GNA13: variants seen among roughly 807,000 people sequenced by gnomAD.
GNA13 encodes the protein guanine nucleotide-binding protein subunit alpha-13.
A neutral mutation model predicts 33.5 loss-of-function variants in GNA13; 4 were observed. The ratio of observed to expected loss-of-function variants is 0.12; its 90% CI spans 0.06 to 0.27. The LOEUF (loss-of-function observed/expected upper bound fraction) is 0.27. Ranked by LOEUF, GNA13 falls within the 10% of genes least tolerant of loss-of-function variation. The pLI is 1.00. For synonymous variants in GNA13, 176 were observed against 183.8 expected (o/e 0.96, Z 0.34); for missense variants, 319 against 487.2 (o/e 0.65, Z 3.25).
chr17:65,048,427 T>C (rs1475473203), intron 2 of GNA13, among the ~76,000 whole-genome samples: 1 of 152,226 alleles, frequency 6.6e-6, no homozygotes, highest in Admixed American at 6.5e-5. Flanking sequence ...CTATGTTGAA[T>C]GTACAGCCAG....
At chr17:65,044,067 A>G (rs1029365012) in intron 2 of GNA13, among the ~76,000 whole-genome samples, 4 of 152,244 alleles carry the variant, frequency 2.6e-5, no homozygotes, top group Non-Finnish European at 5.9e-5. Context: ...GGCTACATAC[A>G]GTAAGCCATG....
intron 2 of GNA13, among the ~76,000 whole-genome samples, chr17:65,039,904 C>T (rs1181679379): frequency 6.6e-6 from 1 of 152,184 alleles, no homozygotes; most frequent in African/African-American, 2.4e-5. Context: ...TGTTACCAGA[C>T]CTGTTTCAGA....
intron 2 of GNA13, among the ~76,000 whole-genome samples, chr17:65,048,068 T>C (rs1344038054): frequency 6.6e-6 from 1 of 152,166 alleles, no homozygotes; most frequent in Non-Finnish European, 1.5e-5. Flanking sequence ...GTTTCAGGAA[T>C]TGCAAAGACA....
chr17:65,048,696 T>C (rs1429239319), intron 2 of GNA13, among the ~76,000 whole-genome samples: 6 of 151,992 alleles, frequency 3.9e-5, no homozygotes, highest in African/African-American at 2.4e-5. Flanking sequence ...AACAAATGAG[T>C]AGTCTGCTAA....
At chr17:65,019,253 C>A (rs1406660660) in intron 2 of GNA13, among the ~76,000 whole-genome samples, 1 of 152,102 alleles carries the variant, frequency 6.6e-6, no homozygotes, top group East Asian at 1.9e-4. Context: ...TTGAAAGTAG[C>A]AGTTCTATAA....
intron 2 of GNA13, among the ~76,000 whole-genome samples, chr17:65,032,316 C>T (rs559270532): frequency 2.6e-5 from 4 of 152,116 alleles, no homozygotes; most frequent in Admixed American, 2.6e-4. Context: ...CTTTCTCTCT[C>T]GTCTCTCCAC....
chr17:65,035,580 A>T (rs114552541), intron 2 of GNA13, among the ~76,000 whole-genome samples: 1 of 152,224 alleles, frequency 6.6e-6, no homozygotes, highest in African/African-American at 2.4e-5. Flanking sequence ...AAGGTTCTGG[A>T]GCCTGTAAGT....
chr17:65,053,378 TTCC>T, intron 2 of GNA13, 121 bp downstream of exon 2: 1 of 665,916 alleles, frequency 1.5e-6, no homozygotes, highest in Non-Finnish European at 2.7e-6. Flanking sequence ...TTTCAGTCTG[TTCC>T]TCCATCTCAA....
intron 2 of GNA13, among the ~76,000 whole-genome samples, chr17:65,045,498 ACT>A: frequency 9.7e-6 from 1 of 103,350 alleles, no homozygotes; most frequent in Admixed American, 1.5e-4. Context: ...ACAGATCAAG[ACT>A]CTGTCTCAAA....
intron 3 of GNA13, among the ~76,000 whole-genome samples, chr17:65,015,328 T>C (rs529389574): frequency 6.6e-6 from 1 of 152,076 alleles, no homozygotes; most frequent in African/African-American, 2.4e-5. Context: ...TCTTCCTGTC[T>C]GCGTATCTAC....
At chr17:65,049,821 C>T (rs1907798586) in intron 2 of GNA13, among the ~76,000 whole-genome samples, 2 of 152,190 alleles carry the variant, frequency 1.3e-5, no homozygotes, top group Non-Finnish European at 2.9e-5. Flanking sequence ...TGAGCATCTG[C>T]TTGTTTGTTT....
intron 1 of GNA13, among the ~76,000 whole-genome samples, chr17:65,054,110 A>C (rs904906167): frequency 2.0e-5 from 3 of 152,242 alleles, no homozygotes; most frequent in South Asian, 2.1e-4. Flanking sequence ...GACACAACCA[A>C]GGTTTTATGA....
At chr17:65,016,506 G>T (rs1353823209) in intron 3 of GNA13, among the ~76,000 whole-genome samples, 1 of 152,174 alleles carries the variant, frequency 6.6e-6, no homozygotes, top group African/African-American at 2.4e-5. Context: ...GATTACAGGT[G>T]TGCACCACCA....
intron 3 of GNA13, 23 bp downstream of exon 3, chr17:65,018,230 A>G: frequency 1.5e-6 from 2 of 1,357,892 alleles, no homozygotes; most frequent in Non-Finnish European, 1.1e-6. Flanking sequence ...CACTAAACAT[A>G]AACATTTGGT....
chr17:65,011,618 T>C lies in GNA13; in HGVS notation c.*2639A>G, dbSNP rs1906192765. The C allele has an allele frequency of 4.5e-6, 1 of 220,344 alleles. No homozygotes were observed. Among genetic ancestry groups the C allele is most frequent in the Non-Finnish European group, 9.1e-6 (1 of 109,716 alleles). 13.6% of individuals were successfully genotyped at this position (220,344 alleles called of 1,614,324 possible). A position where few individuals can be genotyped will look rare whatever the true frequency, so the allele number is the denominator to read the frequency against. On this transcript the variant is annotated 3_prime_UTR_variant, in exon 4 of 4. Coordinates refer to ENST00000439174, the MANE Select transcript of GNA13 (RefSeq NM_006572.6). ...TTCAAGGTCAATGAAGACACTTGTG[T>C]GATATTTCCTCAGAATTAAATGAGA...
In GNA13 at chr17:65,056,639, C is replaced by T. The variant is rs1427710873; in HGVS notation, c.-46G>A. ...CTCGGCGGGCCCCTCCGGCTCCCTC[C>T]ACCTCCTCCTCCGGCGGCGGGCGGC... is the stretch of plus-strand genomic sequence containing the variant. On this transcript the variant is annotated 5_prime_UTR_variant, in exon 1 of 4. Coordinates refer to ENST00000439174, the MANE Select transcript of GNA13 (RefSeq NM_006572.6). The T allele has an allele frequency of 1.3e-6, 2 of 1,519,774 alleles. No individual in the cohort carries two copies. Among genetic ancestry groups the T allele is most frequent in the Non-Finnish European group, 1.8e-6 (2 of 1,130,048 alleles). 94.1% of individuals were successfully genotyped at this position (1,519,774 alleles called of 1,614,324 possible).
At chr17:65,019,145 A>G (rs1052397243) in intron 2 of GNA13, among the ~76,000 whole-genome samples, 1 of 151,616 alleles carries the variant, frequency 6.6e-6, no homozygotes, top group African/African-American at 2.4e-5. Context: ...TCATGTGAAG[A>G]TCTCCTCACA....
chr17:65,028,221 G>A (rs923840543), intron 2 of GNA13, among the ~76,000 whole-genome samples: 13 of 151,878 alleles, frequency 8.6e-5, no homozygotes, highest in Non-Finnish European at 1.2e-4. Context: ...GCGAGACTCC[G>A]TCTCAAAAAA....
At chr17:65,041,664 G>C (rs902129583) in intron 2 of GNA13, among the ~76,000 whole-genome samples, 12 of 152,090 alleles carry the variant, frequency 7.9e-5, no homozygotes, top group African/African-American at 2.7e-4. Flanking sequence ...CACGTGGAAG[G>C]GGTGTGGGGA....
Sources: gnomAD v4.1 joint callset for allele counts (sites outside exome capture counted in the v4.1 genomes callset) on GRCh38, gnomAD v4.1.1 for gene constraint, MANE v1.5 for transcripts, NCBI Gene and HGNC (gene_info 2026-07-23, HGNC 2026-07-21) for gene names.